GPR139: variants seen among roughly 807,000 people sequenced by gnomAD.
GPR139 encodes G protein-coupled receptor 139.
Under a neutral mutation model 25.8 loss-of-function variants are expected in GPR139, and 12 were observed. The ratio of observed to expected loss-of-function variants is 0.47; its 90% CI spans 0.30 to 0.75. GPR139 has a LOEUF of 0.75. Ranked by LOEUF, GPR139 falls within the 30% of genes least tolerant of loss-of-function variation. The pLI is 0.07. For synonymous variants in GPR139, 184 were observed against 179.9 expected (o/e 1.02, Z -0.18); for missense variants, 380 against 450.2 (o/e 0.84, Z 1.41).
At chr16:20,033,830 G>A (rs946500512) in intron 1 of GPR139, among the ~76,000 whole-genome samples, 3 of 151,936 alleles carry the variant, frequency 2.0e-5, no homozygotes, top group African/African-American at 7.3e-5. Flanking sequence ...CATATAGTGT[G>A]CCTGCATTAG....
intron 1 of GPR139, among the ~76,000 whole-genome samples, chr16:20,055,968 G>A (rs539621820): frequency 2.0e-5 from 3 of 152,338 alleles, no homozygotes; most frequent in African/African-American, 4.8e-5. Flanking sequence ...GTTTAAAACA[G>A]TATCTAACAT....
chr16:20,038,369 G>GTGTGTA (rs4028367), intron 1 of GPR139, among the ~76,000 whole-genome samples: 18,144 of 132,738 alleles, frequency 0.14, 1,342 homozygotes, highest in Middle Eastern at 0.19. Context: ...GTGTGTGTGT[G>GTGTGTA]TATTCTATAG....
At chr16:20,064,257 C>T (rs1048399329) in intron 1 of GPR139, among the ~76,000 whole-genome samples, 6 of 152,116 alleles carry the variant, frequency 3.9e-5, no homozygotes, top group African/African-American at 1.4e-4. Flanking sequence ...TCATAGAAAA[C>T]ACAGCGGCCA....
chr16:20,041,113 A>G lies in GPR139; in HGVS notation c.128-8444T>C, dbSNP rs1395852905. ...CGACAGAGTGAGACTCTGACCCAGA[A>G]AGGAAAGGAAAGGAAAGGAGAGGAG... On this transcript the variant is annotated intron_variant, in intron 1 of 1. Coordinates refer to ENST00000570682, the MANE Select transcript of GPR139 (RefSeq NM_001002911.4). 1.4e-3 allele frequency among the ~76,000 whole-genome samples: 5 copies of G among 3,518 alleles called. 1 individual carries two copies. The highest frequency in any genetic ancestry group is 5.4e-3 in the East Asian group (2 of 368). The allele number at this position is 3,518 out of a possible 152,430, so 2.3% of individuals were successfully genotyped here.
chr16:20,071,968 T>TA (rs1567241977), intron 1 of GPR139, among the ~76,000 whole-genome samples: 1 of 151,802 alleles, frequency 6.6e-6, no homozygotes, highest in Non-Finnish European at 1.5e-5. Flanking sequence ...AAGAGGTTCT[T>TA]ACACTTTTCC....
At chr16:20,070,583 A>C (rs2057456235) in intron 1 of GPR139, among the ~76,000 whole-genome samples, 1 of 152,238 alleles carries the variant, frequency 6.6e-6, no homozygotes, top group African/African-American at 2.4e-5. Flanking sequence ...GACCGAAGGT[A>C]GTCAGAGACA....
In GPR139 at chr16:20,073,793, C is replaced by G. The variant is rs1288921640; in HGVS notation, c.-177G>C. Reference sequence around the variant, plus strand: ...CCCCTCTGCTCGCTCCGCACCTGCCCGCCTGGAGTCTTGGCTCAGCCCTCC... The same window carrying G: ...CCCCTCTGCTCGCTCCGCACCTGCCGGCCTGGAGTCTTGGCTCAGCCCTCC... On this transcript the variant is annotated 5_prime_UTR_variant, in exon 1 of 2. Coordinates refer to ENST00000570682, the MANE Select transcript of GPR139 (RefSeq NM_001002911.4). The surrounding 1 kb of genome is among the most constrained non-coding windows in gnomAD (Gnocchi z 4.7). The G allele has an allele frequency of 1.2e-5, 9 of 781,474 alleles. No individual in the cohort carries two copies. In the East Asian group the frequency reaches 1.6e-4, roughly 14 times the overall value. 48.4% of individuals were successfully genotyped at this position (781,474 alleles called of 1,614,324 possible). A position where few individuals can be genotyped will look rare whatever the true frequency, so the allele number is the denominator to read the frequency against.
intron 1 of GPR139, among the ~76,000 whole-genome samples, chr16:20,059,497 G>T (rs2057403108): frequency 6.6e-6 from 1 of 152,260 alleles, no homozygotes; most frequent in African/African-American, 2.4e-5. Flanking sequence ...TTAGGTCTCT[G>T]CTCAAACATC....
intron 1 of GPR139, among the ~76,000 whole-genome samples, chr16:20,059,340 C>T (rs560157044): frequency 1.3e-5 from 2 of 152,168 alleles, no homozygotes; most frequent in African/African-American, 2.4e-5. Context: ...CCAGCCTGTG[C>T]CTATCTCTTC....
At chr16:20,058,869 G>GC (rs1567239373) in intron 1 of GPR139, among the ~76,000 whole-genome samples, 2 of 152,158 alleles carry the variant, frequency 1.3e-5, no homozygotes, top group African/African-American at 4.8e-5. Flanking sequence ...AGCAGGATTC[G>GC]CCCACTGCTA....
intron 1 of GPR139, among the ~76,000 whole-genome samples, chr16:20,044,775 T>C (rs1454465009): frequency 6.6e-6 from 1 of 152,176 alleles, no homozygotes; most frequent in Non-Finnish European, 1.5e-5. Flanking sequence ...TAATCCTTAC[T>C]AGTAAAGTAG....
intron 1 of GPR139, among the ~76,000 whole-genome samples, chr16:20,072,259 A>C (rs1651801284): frequency 6.6e-6 from 1 of 152,096 alleles, no homozygotes; most frequent in Non-Finnish European, 1.5e-5. Flanking sequence ...GCGCTTTCTC[A>C]TGCCTGCCAA....
intron 1 of GPR139, among the ~76,000 whole-genome samples, chr16:20,033,745 C>T (rs2057299981): frequency 6.6e-6 from 1 of 152,110 alleles, no homozygotes; most frequent in Non-Finnish European, 1.5e-5. Flanking sequence ...TCCTTCTACT[C>T]TTATTCTCCA....
intron 1 of GPR139, among the ~76,000 whole-genome samples, chr16:20,041,949 A>AT (rs1201175851): frequency 1.3e-5 from 2 of 151,930 alleles, no homozygotes; most frequent in Admixed American, 6.6e-5. Flanking sequence ...GGCTATTTTT[A>AT]TTTTTTTGCT....
intron 1 of GPR139, among the ~76,000 whole-genome samples, chr16:20,047,971 C>T (rs1377514770): frequency 3.9e-5 from 6 of 152,152 alleles, no homozygotes; most frequent in African/African-American, 1.2e-4. Flanking sequence ...ATCATCTTTA[C>T]TATTAGACAG....
intron 1 of GPR139, among the ~76,000 whole-genome samples, chr16:20,048,212 A>T (rs1429614761): frequency 6.6e-6 from 1 of 152,230 alleles, no homozygotes; most frequent in Non-Finnish European, 1.5e-5. Flanking sequence ...GAATCAGGTG[A>T]TGTAATCCAG....
At chr16:20,044,994 ATT>A (rs10581585) in intron 1 of GPR139, among the ~76,000 whole-genome samples, 1,307 of 86,338 alleles carry the variant, frequency 0.015, 20 homozygotes, top group African/African-American at 0.046. Context: ...CACTTGCACT[ATT>A]TTTTTTTTTT....
intron 1 of GPR139, among the ~76,000 whole-genome samples, chr16:20,048,497 C>T (rs1463272989): frequency 6.6e-6 from 1 of 152,162 alleles, no homozygotes; most frequent in Admixed American, 6.5e-5. Context: ...TCAATGGCAC[C>T]GCGTTAGATT....
At chr16:20,034,770 T>C (rs373749607) in intron 1 of GPR139, among the ~76,000 whole-genome samples, 19 of 152,346 alleles carry the variant, frequency 1.2e-4, no homozygotes, top group East Asian at 3.9e-4. Flanking sequence ...CATTGTATTT[T>C]TGAGGCCCAG....
Sources: allele counts gnomAD v4.1 joint callset (sites outside exome capture counted in the v4.1 genomes callset), GRCh38; gene constraint gnomAD v4.1.1; non-coding constraint Gnocchi (gnomAD v3.1); transcripts MANE v1.5; gene names NCBI Gene and HGNC (gene_info 2026-07-23, HGNC 2026-07-21).